The following PAK5 variants were observed in gnomAD, a reference collection of about 807,000 sequenced individuals.
The protein encoded by PAK5 is p21 (RAC1) activated kinase 5, also known as serine/threonine-protein kinase PAK 5.
PAK5 carries 16 observed loss-of-function variants against 65.9 expected under a neutral mutation model. The observed-to-expected ratio is 0.24, with a 90% CI of 0.16 to 0.37. PAK5 has a LOEUF of 0.37. Among genes scored for constraint, PAK5 ranks in the 10% least tolerant of loss-of-function variants. PAK5 has a pLI of 1.00. For synonymous variants in PAK5, 371 were observed against 354.9 expected (o/e 1.05, Z -0.51); for missense variants, 785 against 903.9 (o/e 0.87, Z 1.69).
At chr20:9,633,585 C>T (rs906016239) in intron 3 of PAK5, among the ~76,000 whole-genome samples, 2 of 152,190 alleles carry the variant, frequency 1.3e-5, no homozygotes, top group African/African-American at 2.4e-5. Flanking sequence ...TTTGGTCAGG[C>T]CTGTTGCCTA....
At chr20:9,549,742 T>C (rs1312541046) in intron 7 of PAK5, among the ~76,000 whole-genome samples, 2 of 152,192 alleles carry the variant, frequency 1.3e-5, no homozygotes, top group Non-Finnish European at 2.9e-5. Context: ...AATACCTCCA[T>C]AGGTAGTGAC....
chr20:9,713,493 T>A (rs897958251), intron 1 of PAK5, among the ~76,000 whole-genome samples: 2 of 151,992 alleles, frequency 1.3e-5, no homozygotes, highest in Non-Finnish European at 2.9e-5. Context: ...TACCATACAA[T>A]CCAGCAATCC....
At chr20:9,784,258 T>C (rs1207290454) in intron 1 of PAK5, 1 of 152,168 alleles carries the variant, frequency 6.6e-6, no homozygotes, top group Non-Finnish European at 1.5e-5. Flanking sequence ...TGCTGAGATA[T>C]AGGATTGGGA....
chr20:9,634,721 T>C, intron 3 of PAK5, among the ~76,000 whole-genome samples: 1 of 152,146 alleles, frequency 6.6e-6, no homozygotes, highest in South Asian at 2.1e-4. Context: ...TCTTCTTTTA[T>C]TTGGAAACAA....
intron 2 of PAK5, among the ~76,000 whole-genome samples, chr20:9,661,030 T>C (rs958513151): frequency 6.6e-6 from 1 of 152,110 alleles, no homozygotes; most frequent in African/African-American, 2.4e-5. Flanking sequence ...AGCCATCCAT[T>C]TTGACAAAGC....
chr20:9,719,419 A>G (rs1192875103), intron 1 of PAK5, among the ~76,000 whole-genome samples: 1 of 152,164 alleles, frequency 6.6e-6, no homozygotes, highest in Non-Finnish European at 1.5e-5. Flanking sequence ...ACCTTTTCCT[A>G]CAGGAAAATA....
At chr20:9,618,987 A>T (rs977542582) in intron 3 of PAK5, among the ~76,000 whole-genome samples, 2 of 117,936 alleles carry the variant, frequency 1.7e-5, no homozygotes, top group Admixed American at 2.5e-4. Flanking sequence ...CAGTGATGGG[A>T]TCATGGCTCA....
chr20:9,623,103 T>C (rs1294080532), intron 3 of PAK5, among the ~76,000 whole-genome samples: 1 of 152,210 alleles, frequency 6.6e-6, no homozygotes, highest in Non-Finnish European at 1.5e-5. Flanking sequence ...TCAAAGTCTC[T>C]GTGTCACAAG....
At chr20:9,679,145 A>G (rs2123396577) in intron 2 of PAK5, among the ~76,000 whole-genome samples, 1 of 152,340 alleles carries the variant, frequency 6.6e-6, no homozygotes, top group East Asian at 1.9e-4. Flanking sequence ...CTTAATGAAT[A>G]GTAAATATAT....
At chr20:9,720,330 CA>C in intron 1 of PAK5, among the ~76,000 whole-genome samples, 1 of 151,898 alleles carries the variant, frequency 6.6e-6, no homozygotes, top group South Asian at 2.1e-4. Context: ...GAGCTATGAC[CA>C]AAAAAACACA....
At chr20:9,544,982 T>A (rs1040913204) in intron 7 of PAK5, among the ~76,000 whole-genome samples, 1 of 152,214 alleles carries the variant, frequency 6.6e-6, no homozygotes, top group Non-Finnish European at 1.5e-5. Flanking sequence ...CTTTTCTATA[T>A]TTGAAATATT....
intron 2 of PAK5, among the ~76,000 whole-genome samples, chr20:9,680,913 C>A (rs1022584561): frequency 6.6e-6 from 1 of 152,154 alleles, no homozygotes; most frequent in Non-Finnish European, 1.5e-5. Flanking sequence ...TTGTTAGGTG[C>A]GGCGTTTTAT....
At chr20:9,643,254 A>G (rs2047092303) in intron 3 of PAK5, among the ~76,000 whole-genome samples, 1 of 152,234 alleles carries the variant, frequency 6.6e-6, no homozygotes, top group South Asian at 2.1e-4. Flanking sequence ...TAATATGATT[A>G]TAAGTTTCCA....
intron 2 of PAK5, among the ~76,000 whole-genome samples, chr20:9,694,890 C>T (rs1569044419): frequency 6.6e-6 from 1 of 151,938 alleles, no homozygotes; most frequent in Admixed American, 6.6e-5. Context: ...ATGTATGATG[C>T]ATTATTATTG....
chr20:9,807,205 T>G (rs2049243269), intron 1 of PAK5, among the ~76,000 whole-genome samples: 1 of 152,206 alleles, frequency 6.6e-6, no homozygotes, highest in African/African-American at 2.4e-5. Flanking sequence ...ATGTGTTCTG[T>G]GGTTCTGGGG....
At chr20:9,617,702 CCCA>C (rs1374120699) in intron 3 of PAK5, among the ~76,000 whole-genome samples, 1 of 151,632 alleles carries the variant, frequency 6.6e-6, no homozygotes, top group Non-Finnish European at 1.5e-5. Flanking sequence ...ACTACAGGCG[CCCA>C]CCACCACGGC....
intron 3 of PAK5, among the ~76,000 whole-genome samples, chr20:9,631,674 C>T (rs1569010052): frequency 6.6e-6 from 1 of 152,156 alleles, no homozygotes; most frequent in African/African-American, 2.4e-5. Flanking sequence ...AATATGTGTT[C>T]TTTGAAGCCA....
At chr20:9,626,337 C>T (rs1395786657) in intron 3 of PAK5, among the ~76,000 whole-genome samples, 1 of 152,146 alleles carries the variant, frequency 6.6e-6, no homozygotes, top group Admixed American at 6.5e-5. Flanking sequence ...AACCATATGC[C>T]AAGGTACCCC....
intron 3 of PAK5, among the ~76,000 whole-genome samples, chr20:9,619,971 T>C (rs940825559): frequency 6.6e-6 from 1 of 152,216 alleles, no homozygotes; most frequent in Non-Finnish European, 1.5e-5. Context: ...TTCTAGATTT[T>C]CCATCATCTC....
Sources: gnomAD v4.1 joint callset for allele counts (sites outside exome capture counted in the v4.1 genomes callset) on GRCh38, gnomAD v4.1.1 for gene constraint, MANE v1.5 for transcripts, NCBI Gene and HGNC (gene_info 2026-07-23, HGNC 2026-07-21) for gene names.